The following HORMAD2 variants were observed in gnomAD, a reference collection of about 807,000 sequenced individuals.
HORMAD2 encodes HORMA domain containing 2.
Under a neutral mutation model 38.8 loss-of-function variants are expected in HORMAD2, and 45 were observed. That is an observed-to-expected ratio of 1.16 (90% confidence interval 0.91 to 1.49). The LOEUF is 1.49. HORMAD2 is among the 40% of genes most tolerant of loss of function. HORMAD2 has a pLI of 0.00. For synonymous variants in HORMAD2, 126 were observed against 122.8 expected (o/e 1.03, Z -0.17); for missense variants, 338 against 367.0 (o/e 0.92, Z 0.65).
In HORMAD2 at chr22:30,176,195, T is replaced by A; in HGVS notation, c.*28T>A. 7.3e-7 allele frequency: 1 copy of A among 1,361,868 alleles called. No individual in the cohort carries two copies. The allele number at this position is 1,361,868 out of a possible 1,614,324, so 84.4% of individuals were successfully genotyped here. ...GCTAAATATTCCTTCTACATTTATT[T>A]TAAAATAAGTTTATTTTGTAAAAAC... On this transcript the variant is annotated 3_prime_UTR_variant, in exon 11 of 11. Coordinates refer to ENST00000336726, the MANE Select transcript of HORMAD2 (RefSeq NM_152510.4).
upstream of HORMAD2, among the ~76,000 whole-genome samples, chr22:30,079,179 T>G (rs182123510): frequency 7.2e-5 from 11 of 152,284 alleles, no homozygotes; most frequent in East Asian, 3.9e-4. Flanking sequence ...CACTCTTTCA[T>G]CTACTCTCTT....
chr22:30,176,000 ATATGTC>A, intron 10 of HORMAD2, 57 bp from the exon 11 acceptor site: 1 of 1,044,770 alleles, frequency 9.6e-7, no homozygotes, highest in South Asian at 1.3e-5. Context: ...CCTGTCTTAT[ATATGTC>A]TTGTGCAGAT....
the HORMAD2 span, among the ~76,000 whole-genome samples, chr22:30,194,964 G>C: frequency 6.6e-6 from 1 of 152,044 alleles, no homozygotes; most frequent in African/African-American, 2.4e-5. Context: ...AGGCCGAGGC[G>C]GGTGGATTAT....
chr22:30,195,372 C>T, the HORMAD2 span, among the ~76,000 whole-genome samples: 1 of 152,144 alleles, frequency 6.6e-6, no homozygotes, highest in African/African-American at 2.4e-5. Context: ...CTCATTCAGG[C>T]TTGTCTCATA....
intron 6 of HORMAD2, 136 bp downstream of exon 6, chr22:30,111,952 G>T: frequency 3.4e-6 from 2 of 589,832 alleles, no homozygotes; most frequent in Non-Finnish European, 5.9e-6. Context: ...TAAAAACATA[G>T]GATCTATCAG....
chr22:30,085,145 C>CA (rs745529780), intron 1 of HORMAD2, among the ~76,000 whole-genome samples: 4,195 of 105,768 alleles, frequency 0.04, 122 homozygotes, highest in East Asian at 0.16. Context: ...GACTCCGTCT[C>CA]AAAAAAAAAA....
the HORMAD2 span, among the ~76,000 whole-genome samples, chr22:30,188,326 T>C: frequency 2.4e-4 from 37 of 152,024 alleles, 2 homozygotes; most frequent in Non-Finnish European, 7.4e-5. Context: ...TGAATTTCTG[T>C]CTCTAATTAA....
chr22:30,106,013 A>T (rs1235946180), intron 5 of HORMAD2, among the ~76,000 whole-genome samples: 1 of 151,962 alleles, frequency 6.6e-6, no homozygotes, highest in East Asian at 1.9e-4. Flanking sequence ...TTATTTATTA[A>T]TTTTTTTGTG....
At chr22:30,203,893 C>A in the HORMAD2 span, among the ~76,000 whole-genome samples, 1 of 152,194 alleles carries the variant, frequency 6.6e-6, no homozygotes, top group South Asian at 2.1e-4. Context: ...GGTTAATGTA[C>A]ACGTTTACCC....
At chr22:30,112,475 T>C in intron 6 of HORMAD2, 21 bp from the exon 7 acceptor site, 1 of 1,319,046 alleles carries the variant, frequency 7.6e-7, no homozygotes. Context: ...AATTAAATGA[T>C]GTTTATTTTC....
At chr22:30,154,624 C>G (rs1924954004) in intron 10 of HORMAD2, among the ~76,000 whole-genome samples, 1 of 152,154 alleles carries the variant, frequency 6.6e-6, no homozygotes. Context: ...TTTAGCTTCC[C>G]TTAGCTTGGA....
chr22:30,166,189 T>C (rs1279446749), intron 10 of HORMAD2, among the ~76,000 whole-genome samples: 1 of 152,152 alleles, frequency 6.6e-6, no homozygotes, highest in Non-Finnish European at 1.5e-5. Flanking sequence ...CTTATTTTTA[T>C]AATAATATGC....
intron 10 of HORMAD2, among the ~76,000 whole-genome samples, chr22:30,172,739 T>C (rs552633117): frequency 3.3e-5 from 5 of 152,086 alleles, no homozygotes; most frequent in African/African-American, 1.2e-4. Context: ...AATACAAAAA[T>C]TAGCTGGGCG....
intron 2 of HORMAD2, among the ~76,000 whole-genome samples, chr22:30,096,930 C>G (rs2068793117): frequency 6.6e-6 from 1 of 152,104 alleles, no homozygotes; most frequent in South Asian, 2.1e-4. Flanking sequence ...TTTATACATT[C>G]TGGATATGAG....
At chr22:30,080,827 C>A (rs1490368027) in intron 1 of HORMAD2, among the ~76,000 whole-genome samples, 2 of 152,030 alleles carry the variant, frequency 1.3e-5, no homozygotes, top group Non-Finnish European at 2.9e-5. Flanking sequence ...GCAGGGCAGA[C>A]GATGTCTGTG....
At chr22:30,132,890 G>A (rs1012264157) in intron 10 of HORMAD2, among the ~76,000 whole-genome samples, 5 of 151,704 alleles carry the variant, frequency 3.3e-5, no homozygotes, top group African/African-American at 9.7e-5. Context: ...TATTATAGCA[G>A]AAAAAAAAGT....
Position 30,121,625 on chromosome 22 carries a change from T to C in HORMAD2, c.411-7T>C. On this transcript the variant is annotated splice_region_variant and splice_polypyrimidine_tract_variant and intron_variant, in intron 8 of 10. Transcript: ENST00000336726. ...TGATCAAAAAGTATGCTTTTTTTTCTGTGTAGTCATAGCAGCAGTACAAGC... is the reference window on the plus strand; with the variant it reads ...TGATCAAAAAGTATGCTTTTTTTTCCGTGTAGTCATAGCAGCAGTACAAGC... 6.4e-7 allele frequency: 1 copy of C among 1,565,766 alleles called. No homozygotes were observed. The highest frequency in any genetic ancestry group is 8.6e-7 in the Non-Finnish European group (1 of 1,157,896).
chr22:30,104,063 T>C (rs1201715583), intron 4 of HORMAD2, among the ~76,000 whole-genome samples: 1 of 152,158 alleles, frequency 6.6e-6, no homozygotes. Flanking sequence ...AATTGACTTG[T>C]ATAAAAATAA....
chr22:30,101,038 A>G (rs774235981), intron 3 of HORMAD2, among the ~76,000 whole-genome samples: 72 of 152,224 alleles, frequency 4.7e-4, no homozygotes, highest in Non-Finnish European at 7.2e-4. Context: ...TTCCTCAAGG[A>G]TATAGAACCA....
Sources: gnomAD v4.1 joint callset for allele counts (sites outside exome capture counted in the v4.1 genomes callset) on GRCh38, gnomAD v4.1.1 for gene constraint, MANE v1.5 for transcripts, NCBI Gene and HGNC (gene_info 2026-07-23, HGNC 2026-07-21) for gene names.